Variants in SRGAP3 observed in about 807,000 individuals in gnomAD.
The protein encoded by SRGAP3 is SLIT-ROBO Rho GTPase activating protein 3, also known as SLIT-ROBO Rho GTPase-activating protein 3.
SRGAP3 carries 39 observed loss-of-function variants against 121.1 expected under a neutral mutation model. The observed-to-expected ratio is 0.32, with a 90% CI of 0.25 to 0.42. The LOEUF (loss-of-function observed/expected upper bound fraction) is 0.42, where lower values mean the gene tolerates loss of function less well. SRGAP3 is among the 10% of genes least tolerant of loss of function. The probability of loss-of-function intolerance (pLI) is 1.00; values close to 1 mark genes in which losing one functional copy is unlikely to be tolerated. For missense variants in SRGAP3, 1,213 were observed against 1,470.6 expected (o/e 0.82, Z 2.86); for synonymous variants, 601 against 570.0 (o/e 1.05, Z -0.77).
At chr3:9,129,586 G>A (rs934003557) in intron 1 of SRGAP3, among the ~76,000 whole-genome samples, 11 of 151,676 alleles carry the variant, frequency 7.3e-5, no homozygotes, top group Middle Eastern at 3.2e-3. Flanking sequence ...CCCATGGCAC[G>A]TACAGCAAAT....
At chr3:8,997,738 G>A (rs916123745) in intron 18 of SRGAP3, among the ~76,000 whole-genome samples, 3 of 152,080 alleles carry the variant, frequency 2.0e-5, no homozygotes, top group South Asian at 2.1e-4. Context: ...ACTAAATTCC[G>A]CTATGCACAT....
intron 14 of SRGAP3, among the ~76,000 whole-genome samples, chr3:9,024,603 T>G (rs1944094938): frequency 6.6e-6 from 1 of 152,180 alleles, no homozygotes; most frequent in African/African-American, 2.4e-5. Context: ...GTATCATATG[T>G]GTCCTGGTCT....
At chr3:9,149,453 T>C (rs1950138640) in intron 1 of SRGAP3, among the ~76,000 whole-genome samples, 1 of 152,204 alleles carries the variant, frequency 6.6e-6, no homozygotes. Flanking sequence ...GCCATGTGTC[T>C]ACAATTCCTT....
At chr3:9,093,263 C>A (rs1444909055) in intron 3 of SRGAP3, among the ~76,000 whole-genome samples, 1 of 152,214 alleles carries the variant, frequency 6.6e-6, no homozygotes, top group African/African-American at 2.4e-5. Context: ...ATAACCTGAT[C>A]TTCTGTTTCA....
At chr3:9,138,524 A>C (rs996936330) in intron 1 of SRGAP3, among the ~76,000 whole-genome samples, 1 of 152,206 alleles carries the variant, frequency 6.6e-6, no homozygotes, top group Non-Finnish European at 1.5e-5. Context: ...GGAGGACTAA[A>C]AAGAAAATAA....
At chr3:9,156,490 G>C (rs1042152022) in intron 1 of SRGAP3, among the ~76,000 whole-genome samples, 1 of 152,186 alleles carries the variant, frequency 6.6e-6, no homozygotes, top group Non-Finnish European at 1.5e-5. Context: ...GCCAGGTACT[G>C]TCTACAAGGA....
rs528557381 is a variant in SRGAP3, at chr3:9,229,584, A to C, written c.67+19301T>G. ...TCCTAGCCAGCGGCCTGTGTCACAC[A>C]TATCTCGCTAGAATCTCTTGGGGAG... is the stretch of plus-strand genomic sequence containing the variant. On this transcript the variant is annotated intron_variant, in intron 1 of 21. Transcript: ENST00000383836. 2.0e-5 allele frequency among the ~76,000 whole-genome samples: 3 copies of C among 152,292 alleles called. No homozygotes were observed. In the South Asian group the frequency reaches 6.2e-4, roughly 32 times the overall value.
At chr3:9,189,761 A>G (rs1951697980) in intron 1 of SRGAP3, among the ~76,000 whole-genome samples, 1 of 152,098 alleles carries the variant, frequency 6.6e-6, no homozygotes, top group African/African-American at 2.4e-5. Flanking sequence ...GATTGAGTCC[A>G]CCCCTGTCAT....
intron 1 of SRGAP3, among the ~76,000 whole-genome samples, chr3:9,221,654 C>T (rs1331741121): frequency 6.6e-6 from 1 of 152,020 alleles, no homozygotes; most frequent in Non-Finnish European, 1.5e-5. Flanking sequence ...ACAATTCTGG[C>T]TCTGTCCATG....
intron 3 of SRGAP3, among the ~76,000 whole-genome samples, chr3:9,091,211 G>A (rs1445080300): frequency 6.6e-6 from 1 of 151,988 alleles, no homozygotes; most frequent in Non-Finnish European, 1.5e-5. Context: ...TATCCGTGCT[G>A]GGCCTCTCTT....
chr3:9,056,463 C>G (rs556674747), intron 7 of SRGAP3, 129 bp from the exon 8 acceptor site: 2 of 944,404 alleles, frequency 2.1e-6, no homozygotes, highest in South Asian at 1.5e-5. Context: ...GTTGAGTGAC[C>G]TGCTCAAGGT....
At chr3:9,272,273 C>T (rs1219687256) in intron 3 of SRGAP3, among the ~76,000 whole-genome samples, 1 of 152,146 alleles carries the variant, frequency 6.6e-6, no homozygotes, top group Non-Finnish European at 1.5e-5. Flanking sequence ...ACAAGATCTA[C>T]CATCTCAATC....
chr3:9,188,380 T>C (rs901267443), intron 1 of SRGAP3, among the ~76,000 whole-genome samples: 3 of 152,200 alleles, frequency 2.0e-5, no homozygotes, highest in African/African-American at 7.2e-5. Context: ...CAAAACAACT[T>C]TGGCAGAGAG....
chr3:9,071,275 A>G (rs906434495), intron 4 of SRGAP3, among the ~76,000 whole-genome samples: 2 of 151,856 alleles, frequency 1.3e-5, no homozygotes, highest in African/African-American at 4.8e-5. Flanking sequence ...ATAGCCCCCT[A>G]ATTTTATTTT....
At chr3:9,185,262 C>A (rs1951558932) in intron 1 of SRGAP3, among the ~76,000 whole-genome samples, 1 of 152,140 alleles carries the variant, frequency 6.6e-6, no homozygotes, top group South Asian at 2.1e-4. Flanking sequence ...CCTTGGACAC[C>A]ATGCAAGGCC....
intron 1 of SRGAP3, among the ~76,000 whole-genome samples, chr3:9,128,116 T>A (rs1357429859): frequency 3.9e-5 from 6 of 152,074 alleles, no homozygotes; most frequent in Admixed American, 3.9e-4. Flanking sequence ...CAAATCAGAA[T>A]CTGCATTTTA....
intron 1 of SRGAP3, among the ~76,000 whole-genome samples, chr3:9,359,279 T>C (rs1037209889): frequency 1.3e-5 from 2 of 152,222 alleles, no homozygotes; most frequent in African/African-American, 4.8e-5. Context: ...GGGGAGCAAC[T>C]GTTCTCCTTG....
intron 3 of SRGAP3, among the ~76,000 whole-genome samples, chr3:9,282,676 A>G (rs888605842): frequency 2.0e-5 from 3 of 151,834 alleles, no homozygotes; most frequent in Admixed American, 6.6e-5. Flanking sequence ...TTTTTAGTAG[A>G]GACAGGGTTT....
intron 15 of SRGAP3, 127 bp downstream of exon 15, chr3:9,015,470 G>A (rs1056616713): frequency 2.3e-5 from 28 of 1,232,682 alleles, no homozygotes; most frequent in African/African-American, 4.5e-5. Context: ...TCAGTTCTAC[G>A]AGGATGCACG....
Sources: allele counts gnomAD v4.1 joint callset (sites outside exome capture counted in the v4.1 genomes callset), GRCh38; gene constraint gnomAD v4.1.1; transcripts MANE v1.5; gene names NCBI Gene and HGNC (gene_info 2026-07-23, HGNC 2026-07-21).